SLC7A5: variants seen among roughly 807,000 people sequenced by gnomAD.
The protein encoded by SLC7A5 is solute carrier family 7 member 5.
A neutral mutation model predicts 50.2 loss-of-function variants in SLC7A5; 23 were observed. That is an observed-to-expected ratio of 0.46 (90% CI 0.33 to 0.65). SLC7A5 has a LOEUF of 0.65. SLC7A5 is among the 30% of genes least tolerant of loss of function. The pLI is 0.02. For missense variants in SLC7A5, 578 were observed against 684.4 expected (o/e 0.84, Z 1.73); for synonymous variants, 393 against 330.6 (o/e 1.19, Z -2.05).
chr16:87,845,510 G>A lies in SLC7A5; in HGVS notation c.665-4355C>T, dbSNP rs539203436. On this transcript the variant is annotated intron_variant, in intron 2 of 9. Coordinates refer to ENST00000261622, the MANE Select transcript of SLC7A5 (RefSeq NM_003486.7). ...AGTCCACGCCCACCCCAGAGTCCATGCCCACTCCAGGCAGAGTCCACGCCC... is the reference window on the plus strand; with the variant it reads ...AGTCCACGCCCACCCCAGAGTCCATACCCACTCCAGGCAGAGTCCACGCCC... Among the ~76,000 whole-genome samples the A allele has an allele frequency of 4.8e-3, 473 of 98,216 alleles. 4 individuals are homozygous for A. Among genetic ancestry groups the A allele is most frequent in the Non-Finnish European group, 7.5e-3 (382 of 51,060 alleles). 64.4% of individuals were successfully genotyped at this position (98,216 alleles called of 152,430 possible).
chr16:87,840,302 A>C (rs1036957176), intron 4 of SLC7A5, 127 bp downstream of exon 4: 4 of 833,472 alleles, frequency 4.8e-6, no homozygotes, highest in Non-Finnish European at 8.2e-6. Flanking sequence ...CTGGCCCCAG[A>C]GGCCCCAATC....
Position 87,850,734 on chromosome 16 carries a change from T to C in SLC7A5, c.664+990A>G, listed in dbSNP as rs114914102. Among the ~76,000 whole-genome samples the C allele has an allele frequency of 5.3e-3, 800 of 152,252 alleles. 8 individuals are homozygous for C. Among genetic ancestry groups the C allele is most frequent in the African/African-American group, 0.018 (766 of 41,556 alleles). ...CACTTCAACTGTACCCAACCACGGG[T>C]GGGATCCAGTGCCAAGGACAGTGTG... is the stretch of plus-strand genomic sequence containing the variant. On this transcript the variant is annotated intron_variant, in intron 2 of 9. Transcript: ENST00000261622.
In SLC7A5 at chr16:87,853,259, TGACACCGGAAACGTCCTG is replaced by T; in HGVS notation, c.539-1428_539-1411del. On this transcript the variant is annotated intron_variant, in intron 1 of 9. Transcript: ENST00000261622. The surrounding 1 kb of genome is among the most constrained non-coding windows in gnomAD (Gnocchi z 4.4). ...AAAGACATCCATGCTAATTAACTAA[TGACACCGGAAACGTCCTG>T]AGGTGCGGGACGGGCTGCCGCCTGC... 6.6e-6 allele frequency among the ~76,000 whole-genome samples: 1 copy of T among 152,192 alleles called. No homozygotes were observed. Among genetic ancestry groups the T allele is most frequent in the Admixed American group, 6.5e-5 (1 of 15,280 alleles).
intron 2 of SLC7A5, among the ~76,000 whole-genome samples, chr16:87,843,927 G>A (rs1042977100): frequency 6.6e-6 from 1 of 152,158 alleles, no homozygotes; most frequent in Non-Finnish European, 1.5e-5. Flanking sequence ...AGACTCGGGC[G>A]TGGTCCTGGC....
chr16:87,859,827 G>C (rs1017134155), intron 1 of SLC7A5, among the ~76,000 whole-genome samples: 6 of 152,092 alleles, frequency 3.9e-5, no homozygotes, highest in African/African-American at 1.4e-4. Flanking sequence ...TGCAATCCCA[G>C]CTACTTGCGA....
At chr16:87,866,482 T>C (rs1031036225) in intron 1 of SLC7A5, among the ~76,000 whole-genome samples, 3 of 152,210 alleles carry the variant, frequency 2.0e-5, no homozygotes, top group Admixed American at 6.5e-5. Context: ...TGCTTTTTTT[T>C]TGAGATGGAG....
chr16:87,847,105 GC>G, intron 2 of SLC7A5, among the ~76,000 whole-genome samples: 1 of 152,198 alleles, frequency 6.6e-6, no homozygotes, highest in Non-Finnish European at 1.5e-5. Flanking sequence ...GCGCCTAGAA[GC>G]CCAGCTATGG....
chr16:87,860,495 A>G lies in SLC7A5; in HGVS notation c.538+8390T>C, dbSNP rs1018550845. Reference sequence around the variant, plus strand: ...TGTCCCGCCTTTCTCGGCAGAACCAACAAATACCTTTCATGTACTGACTGA... The same window carrying G: ...TGTCCCGCCTTTCTCGGCAGAACCAGCAAATACCTTTCATGTACTGACTGA... On this transcript the variant is annotated intron_variant, in intron 1 of 9. Transcript: ENST00000261622. The surrounding 1 kb of genome is among the most constrained non-coding windows in gnomAD (Gnocchi z 4.8). Among the ~76,000 whole-genome samples the G allele has an allele frequency of 5.3e-5, 8 of 152,222 alleles. No homozygotes were observed. In the East Asian group the frequency reaches 1.5e-3, roughly 29 times the overall value.
Position 87,861,057 on chromosome 16 carries a change from G to A in SLC7A5, c.538+7828C>T, listed in dbSNP as rs2055391814. ...AAAAGGGCAGCAGCGGGAAGAGGGT[G>A]CTGCCACAGGGCCTCTGGGGAGCGT... On this transcript the variant is annotated intron_variant, in intron 1 of 9. Transcript: ENST00000261622. The surrounding 1 kb of genome is among the most constrained non-coding windows in gnomAD (Gnocchi z 4.2). Among the ~76,000 whole-genome samples the A allele has an allele frequency of 6.6e-6, 1 of 152,228 alleles. No individual in the cohort carries two copies. The highest frequency in any genetic ancestry group is 6.5e-5 in the Admixed American group (1 of 15,288).
At chr16:87,835,701 C>T (rs1274461134) in intron 8 of SLC7A5, among the ~76,000 whole-genome samples, 1 of 152,116 alleles carries the variant, frequency 6.6e-6, no homozygotes, top group African/African-American at 2.4e-5. Context: ...GTCTCTATCT[C>T]CTGACTTTGT....
chr16:87,863,986 A>AAAAAATATATATATATATAT (rs376938738), intron 1 of SLC7A5, among the ~76,000 whole-genome samples: 32 of 83,280 alleles, frequency 3.8e-4, no homozygotes, highest in African/African-American at 4.3e-4. Flanking sequence ...ATCATTTAAA[A>AAAAAATATATATATATATAT]ATATATATAT....
At chr16:87,854,480 G>C (rs2055288716) in intron 1 of SLC7A5, among the ~76,000 whole-genome samples, 1 of 152,242 alleles carries the variant, frequency 6.6e-6, no homozygotes, top group Non-Finnish European at 1.5e-5. Flanking sequence ...CACAGGATAA[G>C]TCTGGGGTTT....
chr16:87,840,640 C>T (rs111888503), intron 3 of SLC7A5, among the ~76,000 whole-genome samples, 167 bp from the exon 4 acceptor site: 2,321 of 152,264 alleles, frequency 0.015, 53 homozygotes, highest in African/African-American at 0.053. Flanking sequence ...CTGCGTGTTC[C>T]GGGGGGTCCC....
In SLC7A5 at chr16:87,845,838, T is replaced by C. The variant is rs943641270; in HGVS notation, c.665-4683A>G. On this transcript the variant is annotated intron_variant, in intron 2 of 9. Coordinates refer to ENST00000261622, the MANE Select transcript of SLC7A5 (RefSeq NM_003486.7). ...GCACAGGGCTGTGGCTGCCCTGGCCTCTGTCCATGCGTCTGACGAAGGGCA... is the reference window on the plus strand; with the variant it reads ...GCACAGGGCTGTGGCTGCCCTGGCCCCTGTCCATGCGTCTGACGAAGGGCA... Among the ~76,000 whole-genome samples, 4 of 152,118 alleles carry C rather than the reference T, an allele frequency of 2.6e-5. No individual in the cohort carries two copies. In the East Asian group the frequency reaches 7.7e-4, roughly 29 times the overall value.
At chr16:87,839,081 C>T (rs887095221) in intron 5 of SLC7A5, among the ~76,000 whole-genome samples, 4 of 152,226 alleles carry the variant, frequency 2.6e-5, no homozygotes, top group South Asian at 4.1e-4. Context: ...GAGCAAGCTA[C>T]GGCCTGCAGG....
In SLC7A5 at chr16:87,839,789, G is replaced by T. The variant is rs778907007; in HGVS notation, c.852C>A (p.Ile284=). 6.2e-7 allele frequency: 1 copy of T among 1,613,856 alleles called. No homozygotes were observed. Among genetic ancestry groups the T allele is most frequent in the African/African-American group, 1.3e-5 (1 of 74,942 alleles). ...LPLAIIISLP[I]VTLVYVLTNL... is the part of the protein sequence containing the mutation. Reference sequence around the variant, plus strand: ...TGGTCAGCACGTACACCAGCGTCACGATGGGCAGGGAGATGATGATGGCCA... The same window carrying T: ...TGGTCAGCACGTACACCAGCGTCACTATGGGCAGGGAGATGATGATGGCCA... Residue 284 remains isoleucine (I), a synonymous_variant, in exon 5 of 10, where the codon ATC becomes ATA. Coordinates refer to ENST00000261622, the MANE Select transcript of SLC7A5 (RefSeq NM_003486.7).
At chr16:87,857,688 T>C (rs1416300890) in intron 1 of SLC7A5, among the ~76,000 whole-genome samples, 1 of 152,242 alleles carries the variant, frequency 6.6e-6, no homozygotes, top group African/African-American at 2.4e-5. Flanking sequence ...AACAGAGAGA[T>C]GATCCCAAGG....
In SLC7A5 at chr16:87,862,268, A is replaced by T. The variant is rs2055408940; in HGVS notation, c.538+6617T>A. 6.6e-6 allele frequency among the ~76,000 whole-genome samples: 1 copy of T among 152,138 alleles called. No individual in the cohort carries two copies. Among genetic ancestry groups the T allele is most frequent in the Non-Finnish European group, 1.5e-5 (1 of 67,998 alleles). On this transcript the variant is annotated intron_variant, in intron 1 of 9. Coordinates refer to ENST00000261622, the MANE Select transcript of SLC7A5 (RefSeq NM_003486.7). The surrounding 1 kb of genome is among the most constrained non-coding windows in gnomAD (Gnocchi z 5.3). ...AGGGGGCAGATAGAGGCAGCCAGGC[A>T]GCCTGAAGACCCTGGGGCAAAACAC...
chr16:87,834,975 A>C (rs925584002), intron 8 of SLC7A5, among the ~76,000 whole-genome samples: 1 of 152,210 alleles, frequency 6.6e-6, no homozygotes, highest in Non-Finnish European at 1.5e-5. Context: ...AAGCCAGGAG[A>C]CCACCCTCTT....
Sources: allele counts gnomAD v4.1 joint callset (sites outside exome capture counted in the v4.1 genomes callset), GRCh38; gene constraint gnomAD v4.1.1; non-coding constraint Gnocchi (gnomAD v3.1); transcripts MANE v1.5; gene names NCBI Gene and HGNC (gene_info 2026-07-23, HGNC 2026-07-21).